The following GRM8 variants were observed in gnomAD, a reference collection of about 807,000 sequenced individuals.
The protein encoded by GRM8 is metabotropic glutamate receptor 8.
A neutral mutation model predicts 87.2 loss-of-function variants in GRM8; 47 were observed. That is an observed-to-expected ratio of 0.54 (90% CI 0.43 to 0.69). The LOEUF (loss-of-function observed/expected upper bound fraction) is 0.69. Ranked by LOEUF, GRM8 falls within the 30% of genes least tolerant of loss-of-function variation. The pLI is 0.00. For missense variants in GRM8, 1,019 were observed against 1,139.2 expected (o/e 0.89, Z 1.52); for synonymous variants, 396 against 404.5 (o/e 0.98, Z 0.25).
At chr7:126,692,316 TG>T (rs1808912110) in intron 7 of GRM8, among the ~76,000 whole-genome samples, 1 of 152,188 alleles carries the variant, frequency 6.6e-6, no homozygotes, top group South Asian at 2.1e-4. Flanking sequence ...GGTCAAACTC[TG>T]GAACAGTAGC....
At chr7:127,162,494 A>G (rs554293553) in intron 2 of GRM8, among the ~76,000 whole-genome samples, 1 of 152,300 alleles carries the variant, frequency 6.6e-6, no homozygotes, top group Admixed American at 6.5e-5. Flanking sequence ...GCTTTCTTGC[A>G]GTCAGGGAAT....
intron 3 of GRM8, among the ~76,000 whole-genome samples, chr7:126,923,318 A>AGTC (rs1804734583): frequency 1.3e-5 from 2 of 152,156 alleles, no homozygotes; most frequent in Non-Finnish European, 2.9e-5. Flanking sequence ...CCTGGGTTTA[A>AGTC]AGCATCTGCT....
chr7:126,958,589 G>A (rs1268184789), intron 3 of GRM8, among the ~76,000 whole-genome samples: 3 of 152,102 alleles, frequency 2.0e-5, no homozygotes, highest in South Asian at 2.1e-4. Flanking sequence ...CTCCTCGCCC[G>A]GCCCGCCCTT....
intron 9 of GRM8, among the ~76,000 whole-genome samples, chr7:126,529,273 C>T (rs142928675): frequency 7.4e-4 from 113 of 152,122 alleles, no homozygotes; most frequent in African/African-American, 2.4e-3. Flanking sequence ...ATCACAAATA[C>T]GCATTTATAT....
intron 3 of GRM8, among the ~76,000 whole-genome samples, chr7:126,954,318 C>G (rs1159339093): frequency 2.0e-5 from 3 of 152,086 alleles, no homozygotes; most frequent in Non-Finnish European, 1.5e-5. Context: ...AATCTGAAGA[C>G]CCTTAAGCCT....
intron 3 of GRM8, among the ~76,000 whole-genome samples, chr7:127,103,096 G>GC (rs1021699187): frequency 3.3e-5 from 5 of 152,098 alleles, no homozygotes; most frequent in Non-Finnish European, 5.9e-5. Context: ...CTCCACCTCA[G>GC]CCCCCCAAAG....
rs1795804940 is a variant in GRM8 at position 126,836,077 on chromosome 7, T to A, written c.1157-66012A>T. ...CAAAAGCATCATGCAACCACTTGTT[T>A]AACATAAGGAAAAAAAATCTCAAAA... On this transcript the variant is annotated intron_variant, in intron 6 of 10. Coordinates refer to ENST00000339582, the MANE Select transcript of GRM8 (RefSeq NM_000845.3). Among the ~76,000 whole-genome samples, 2 of 152,164 alleles carry A rather than the reference T, an allele frequency of 1.3e-5. 1 individual carries two copies. The highest frequency in any genetic ancestry group is 4.1e-4 in the South Asian group (2 of 4,828).
intron 9 of GRM8, among the ~76,000 whole-genome samples, chr7:126,525,789 A>G: frequency 6.6e-6 from 1 of 151,934 alleles, no homozygotes; most frequent in East Asian, 1.9e-4. Context: ...TCTTTTTTAA[A>G]ATCTCATTAT....
At chr7:127,085,578 TC>T (rs1823384438) in intron 3 of GRM8, among the ~76,000 whole-genome samples, 1 of 152,256 alleles carries the variant, frequency 6.6e-6, no homozygotes, top group South Asian at 2.1e-4. Context: ...GAGCATTTTT[TC>T]ATATGTCTGT....
At chr7:126,598,048 T>C (rs1231900010) in intron 8 of GRM8, among the ~76,000 whole-genome samples, 2 of 152,064 alleles carry the variant, frequency 1.3e-5, no homozygotes, top group Non-Finnish European at 2.9e-5. Context: ...TTGTACCCAC[T>C]ACCTAGCCTT....
chr7:126,647,974 T>C (rs1803354375), intron 7 of GRM8, among the ~76,000 whole-genome samples: 2 of 152,176 alleles, frequency 1.3e-5, no homozygotes, highest in Admixed American at 6.5e-5. Flanking sequence ...GTTTTTACTA[T>C]CACTTCCAAA....
chr7:126,656,970 G>A (rs1007037832), intron 7 of GRM8, among the ~76,000 whole-genome samples: 4 of 152,206 alleles, frequency 2.6e-5, no homozygotes, highest in Non-Finnish European at 5.9e-5. Context: ...CAAATGAAAA[G>A]TGCTTATGTA....
chr7:126,529,892 A>G (rs976783351), intron 9 of GRM8, among the ~76,000 whole-genome samples: 1 of 152,144 alleles, frequency 6.6e-6, no homozygotes, highest in Non-Finnish European at 1.5e-5. Context: ...CTTCCTTCAC[A>G]CCACTTTTCT....
At chr7:126,581,292 A>T (rs1795583798) in intron 8 of GRM8, among the ~76,000 whole-genome samples, 1 of 152,170 alleles carries the variant, frequency 6.6e-6, no homozygotes, top group Admixed American at 6.6e-5. Flanking sequence ...GCAGAATGGT[A>T]TTAGCTTTCC....
At chr7:126,893,126 G>C (rs1022501795) in intron 6 of GRM8, among the ~76,000 whole-genome samples, 2 of 152,018 alleles carry the variant, frequency 1.3e-5, no homozygotes, top group African/African-American at 2.4e-5. Context: ...TGGAAATAAA[G>C]TGCTTTCCCC....
intron 3 of GRM8, among the ~76,000 whole-genome samples, chr7:127,038,094 T>C (rs1818016463): frequency 6.6e-6 from 1 of 152,228 alleles, no homozygotes; most frequent in African/African-American, 2.4e-5. Flanking sequence ...GCATACTGAA[T>C]GTTGTTTTCT....
intron 3 of GRM8, among the ~76,000 whole-genome samples, chr7:127,059,869 A>G (rs1172112072): frequency 2.0e-5 from 3 of 152,222 alleles, no homozygotes; most frequent in Non-Finnish European, 4.4e-5. Context: ...GACTAGCCAT[A>G]AAAACCTTGG....
chr7:126,873,948 G>A (rs1188291566), intron 6 of GRM8, among the ~76,000 whole-genome samples: 1 of 152,072 alleles, frequency 6.6e-6, no homozygotes, highest in Non-Finnish European at 1.5e-5. Context: ...GAATTAGTAA[G>A]TAGTGTTATT....
At chr7:126,572,748 G>A (rs1794788421) in intron 8 of GRM8, among the ~76,000 whole-genome samples, 1 of 152,186 alleles carries the variant, frequency 6.6e-6, no homozygotes, top group Non-Finnish European at 1.5e-5. Flanking sequence ...TGGAATCCAT[G>A]AAATGATATT....
Sources: allele counts gnomAD v4.1 joint callset (sites outside exome capture counted in the v4.1 genomes callset), GRCh38; gene constraint gnomAD v4.1.1; transcripts MANE v1.5; gene names NCBI Gene and HGNC (gene_info 2026-07-23, HGNC 2026-07-21).